LPP: variants seen among roughly 807,000 people sequenced by gnomAD.
The protein encoded by LPP is LIM domain containing preferred translocation partner in lipoma.
A neutral mutation model predicts 60.4 loss-of-function variants in LPP; 38 were observed. The observed-to-expected ratio is 0.63, with a 90% CI of 0.49 to 0.83. LPP has a LOEUF of 0.83. LPP is among the 40% of genes least tolerant of loss of function. LPP has a pLI of 0.00. For missense variants in LPP, 902 were observed against 783.6 expected (o/e 1.15, Z -1.80); for synonymous variants, 328 against 290.8 (o/e 1.13, Z -1.30).
At chr3:188,304,517 A>G (rs764930017) in intron 2 of LPP, among the ~76,000 whole-genome samples, 8 of 152,120 alleles carry the variant, frequency 5.3e-5, no homozygotes, top group Non-Finnish European at 8.8e-5. Context: ...TCCCCTTTAA[A>G]TCTCACAGCT....
intron 4 of LPP, among the ~76,000 whole-genome samples, chr3:188,422,189 G>T (rs1787987435): frequency 6.6e-6 from 1 of 152,130 alleles, no homozygotes; most frequent in Non-Finnish European, 1.5e-5. Context: ...TTCCCAGGTT[G>T]TGCCAACATT....
intron 8 of LPP, among the ~76,000 whole-genome samples, chr3:188,726,766 C>A (rs1448570140): frequency 6.6e-6 from 1 of 152,066 alleles, no homozygotes; most frequent in Admixed American, 6.6e-5. Context: ...GGCAAATAAA[C>A]AGCAATAGCA....
chr3:188,687,423 G>A (rs998932534), intron 7 of LPP, among the ~76,000 whole-genome samples: 2 of 152,104 alleles, frequency 1.3e-5, no homozygotes, highest in Admixed American at 1.3e-4. Context: ...TTGGATCGTG[G>A]GGGCCCTTCC....
intron 1 of LPP, among the ~76,000 whole-genome samples, chr3:188,166,724 C>T (rs3852059): frequency 1.3e-5 from 2 of 151,890 alleles, no homozygotes; most frequent in African/African-American, 4.8e-5. Context: ...TCTCTGAGTC[C>T]GGCTCTAGCT....
At chr3:188,781,457 G>A (rs904858813) in intron 9 of LPP, among the ~76,000 whole-genome samples, 2 of 152,092 alleles carry the variant, frequency 1.3e-5, no homozygotes, top group African/African-American at 4.8e-5. Context: ...AAGAAAAGAG[G>A]TTTAATTGGC....
At chr3:188,435,722 C>A (rs1792129225) in intron 4 of LPP, among the ~76,000 whole-genome samples, 1 of 152,128 alleles carries the variant, frequency 6.6e-6, no homozygotes, top group Non-Finnish European at 1.5e-5. Flanking sequence ...CTTTCTGAAT[C>A]AGACTAAGGT....
chr3:188,438,978 A>C (rs1020928019), intron 4 of LPP, among the ~76,000 whole-genome samples: 1 of 152,188 alleles, frequency 6.6e-6, no homozygotes, highest in Non-Finnish European at 1.5e-5. Flanking sequence ...CTTTGGCTCA[A>C]CTGTAGTTAG....
chr3:188,162,514 A>G (rs1294263800), intron 1 of LPP, among the ~76,000 whole-genome samples: 2 of 152,228 alleles, frequency 1.3e-5, no homozygotes, highest in African/African-American at 4.8e-5. Context: ...TAAAAATCAG[A>G]TTTGGGACAG....
chr3:188,720,972 C>A (rs1203669909), intron 8 of LPP, among the ~76,000 whole-genome samples: 1 of 152,166 alleles, frequency 6.6e-6, no homozygotes, highest in Non-Finnish European at 1.5e-5. Context: ...CCCTTTCTTT[C>A]CTAGTCACCC....
At chr3:188,737,182 A>G (rs948084569) in intron 8 of LPP, among the ~76,000 whole-genome samples, 3 of 152,192 alleles carry the variant, frequency 2.0e-5, no homozygotes, top group Non-Finnish European at 4.4e-5. Context: ...AGACTTTTTT[A>G]TAAAAAGAAA....
intron 1 of LPP, among the ~76,000 whole-genome samples, chr3:188,175,631 G>C (rs977999543): frequency 1.3e-5 from 2 of 152,094 alleles, no homozygotes; most frequent in Non-Finnish European, 2.9e-5. Flanking sequence ...GCTAATCTAC[G>C]AGTATTTCTG....
chr3:188,795,853 G>T (rs939967129), intron 9 of LPP, among the ~76,000 whole-genome samples: 2 of 152,058 alleles, frequency 1.3e-5, no homozygotes, highest in Non-Finnish European at 2.9e-5. Flanking sequence ...TGTGTTTTCT[G>T]CAGTGGTCTG....
At chr3:188,333,129 T>C (rs1322569044) in intron 2 of LPP, among the ~76,000 whole-genome samples, 1 of 152,220 alleles carries the variant, frequency 6.6e-6, no homozygotes, top group Non-Finnish European at 1.5e-5. Flanking sequence ...TTGCATAGTA[T>C]TTCTCTATTC....
At chr3:188,731,517 T>TTTTGTTTTGTTTTGTTTTG (rs1553817789) in intron 8 of LPP, among the ~76,000 whole-genome samples, 1 of 9,300 alleles carries the variant, frequency 1.1e-4, no homozygotes, top group African/African-American at 6.2e-4. Flanking sequence ...TTTTTGTTTT[T>TTTTGTTTTGTTTTGTTTTG]TTTGTTTTGT....
chr3:188,286,612 G>C (rs1178092663), intron 2 of LPP, among the ~76,000 whole-genome samples: 1 of 152,116 alleles, frequency 6.6e-6, no homozygotes, highest in Non-Finnish European at 1.5e-5. Flanking sequence ...GTTAGTTTCT[G>C]AAATTTAAAA....
At chr3:188,557,642 A>G (rs1380018765) in intron 6 of LPP, among the ~76,000 whole-genome samples, 4 of 152,126 alleles carry the variant, frequency 2.6e-5, no homozygotes, top group Non-Finnish European at 5.9e-5. Context: ...TGTGTAGTCC[A>G]TGCCACAAAC....
chr3:188,592,551 G>GTTTTTTTTTTTTTTTTTTTTTTTTTTTT lies in LPP; in HGVS notation c.430-16605_430-16604insTTTTTTTTTTTTTTTTTTTTTTTTTTTT, dbSNP rs1553936326. ...AATGAGTATCACTGTTTTTAGTTTTGTTTTTGTTTTTTAAATGGAGTCTCA... is the reference window on the plus strand; with the variant it reads ...AATGAGTATCACTGTTTTTAGTTTTGTTTTTTTTTTTTTTTTTTTTTTTTTTTTTTTTTGTTTTTTAAATGGAGTCTCA... On this transcript the variant is annotated intron_variant, in intron 6 of 11. Transcript: ENST00000617246. 1.2e-4 allele frequency among the ~76,000 whole-genome samples: 12 copies of GTTTTTTTTTTTTTTTTTTTTTTTTTTTT among 98,278 alleles called. 1 individual carries two copies. Among genetic ancestry groups the GTTTTTTTTTTTTTTTTTTTTTTTTTTTT allele is most frequent in the Non-Finnish European group, 1.6e-4 (7 of 44,210 alleles). 64.5% of individuals were successfully genotyped at this position (98,278 alleles called of 152,430 possible). A position where few individuals can be genotyped will look rare whatever the true frequency, so the allele number is the denominator to read the frequency against.
intron 3 of LPP, among the ~76,000 whole-genome samples, chr3:188,371,632 TATATATA>T (rs1773144244): frequency 3.2e-5 from 1 of 31,720 alleles, no homozygotes; most frequent in Non-Finnish European, 8.1e-5. Context: ...TATATATATA[TATATATA>T]TATTTTTTTT....
At chr3:188,423,534 A>G (rs973431631) in intron 4 of LPP, among the ~76,000 whole-genome samples, 4 of 152,168 alleles carry the variant, frequency 2.6e-5, no homozygotes, top group African/African-American at 9.7e-5. Context: ...CTCGTCCACA[A>G]TGGTTGAACT....
Sources: gnomAD v4.1 joint callset for allele counts (sites outside exome capture counted in the v4.1 genomes callset) on GRCh38, gnomAD v4.1.1 for gene constraint, MANE v1.5 for transcripts, NCBI Gene and HGNC (gene_info 2026-07-23, HGNC 2026-07-21) for gene names.